EPS15: variants seen among roughly 807,000 people sequenced by gnomAD.
EPS15 encodes epidermal growth factor receptor pathway substrate 15, also known as epidermal growth factor receptor substrate 15.
Under a neutral mutation model 113.8 loss-of-function variants are expected in EPS15, and 72 were observed. The observed-to-expected ratio is 0.63, with a 90% CI of 0.52 to 0.77. The LOEUF is 0.77. EPS15 is among the 30% of genes least tolerant of loss of function. The pLI is 0.00. For synonymous variants in EPS15, 344 were observed against 363.4 expected, an observed-to-expected ratio of 0.95 and a Z score of 0.61; for missense variants, 1,048 against 1,045.8, an observed-to-expected ratio of 1.00 and a Z score of -0.03.
intron 21 of EPS15, among the ~76,000 whole-genome samples, chr1:51,379,258 TACAGGCGCAAG>T (rs1646878254): frequency 6.6e-6 from 1 of 152,210 alleles, no homozygotes; most frequent in East Asian, 1.9e-4. Context: ...TAGCTAGGAC[TACAGGCGCAAG>T]CCACCACGCC....
Position 51,361,223 on chromosome 1 carries a change from G to C in EPS15, c.2492C>G (p.Thr831Ser). The C allele has an allele frequency of 6.2e-7, 1 of 1,614,068 alleles. No homozygotes were observed. The highest frequency in any genetic ancestry group is 8.5e-7 in the Non-Finnish European group (1 of 1,179,934). ...ATCAGCCTCTTTATTGGTAGTGGTA[G>C]TAGCAGAAGTGAATGGATCACAAAA... Reference protein sequence around the residue: ...EIFCDPFTSATTTTNKEADPS... With the variant: ...EIFCDPFTSASTTTNKEADPS... The change falls in exon 24 of 25, where the codon ACT (threonine) becomes AGT (serine). Residue 831 changes from threonine to serine, a missense_variant. Thr to Ser is a moderately conservative substitution (Grantham distance 58, BLOSUM62 1). Transcript: ENST00000371733.
intron 8 of EPS15, among the ~76,000 whole-genome samples, chr1:51,453,410 A>G (rs1653733678): frequency 6.6e-6 from 1 of 152,216 alleles, no homozygotes; most frequent in African/African-American, 2.4e-5. Flanking sequence ...GCAAAAGTGA[A>G]CAGAATACTT....
At chr1:51,495,353 AT>A (rs928610749) in intron 1 of EPS15, among the ~76,000 whole-genome samples, 75 of 146,408 alleles carry the variant, frequency 5.1e-4, no homozygotes, top group Admixed American at 6.2e-4. Context: ...TTTTATTTTT[AT>A]TTTTTTTTTT....
At chr1:51,508,348 G>GAAAGA (rs1199100055) in intron 1 of EPS15, among the ~76,000 whole-genome samples, 3 of 140,598 alleles carry the variant, frequency 2.1e-5, no homozygotes, top group Non-Finnish European at 3.2e-5. Context: ...GAGAAAGAAA[G>GAAAGA]AAAGAAAGAA....
intron 24 of EPS15, among the ~76,000 whole-genome samples, chr1:51,357,420 A>ATATC (rs1646257756): frequency 2.9e-5 from 2 of 68,798 alleles, no homozygotes; most frequent in Non-Finnish European, 4.9e-5. Flanking sequence ...ATATATATAT[A>ATATC]TATATATTTT....
intron 18 of EPS15, among the ~76,000 whole-genome samples, chr1:51,402,201 G>C (rs1648632971): frequency 6.8e-6 from 1 of 146,522 alleles, no homozygotes; most frequent in Non-Finnish European, 1.5e-5. Flanking sequence ...CATAAAATTA[G>C]CTGGGTGTGG....
intron 5 of EPS15, 146 bp downstream of exon 5, chr1:51,468,327 A>G: frequency 3.0e-6 from 2 of 658,586 alleles, no homozygotes; most frequent in Non-Finnish European, 5.5e-6. Context: ...TAAAAACAGC[A>G]GGAGCCAGTA....
intron 21 of EPS15, among the ~76,000 whole-genome samples, chr1:51,382,684 G>A (rs1646969760): frequency 6.6e-6 from 1 of 152,134 alleles, no homozygotes; most frequent in African/African-American, 2.4e-5. Context: ...CTCCCAAAGT[G>A]CTGGGATTAC....
At chr1:51,400,217 G>A (rs778599515) in intron 19 of EPS15, among the ~76,000 whole-genome samples, 1 of 152,156 alleles carries the variant, frequency 6.6e-6, no homozygotes, top group Non-Finnish European at 1.5e-5. Flanking sequence ...TGATGTTTTA[G>A]TAATTCTTCA....
intron 16 of EPS15, among the ~76,000 whole-genome samples, 166 bp from the exon 17 acceptor site, chr1:51,403,698 A>G (rs146125875): frequency 6.6e-6 from 1 of 152,218 alleles, no homozygotes; most frequent in Non-Finnish European, 1.5e-5. Flanking sequence ...GGTGTCATCA[A>G]GCATCAAAGT....
chr1:51,369,407 T>C (rs890391292), intron 21 of EPS15, among the ~76,000 whole-genome samples: 2 of 152,168 alleles, frequency 1.3e-5, no homozygotes, highest in Non-Finnish European at 2.9e-5. Context: ...AGAGAAACCA[T>C]GCAGGTGACT....
At chr1:51,449,827 G>T (rs1207558357) in intron 8 of EPS15, among the ~76,000 whole-genome samples, 1 of 151,584 alleles carries the variant, frequency 6.6e-6, no homozygotes, top group East Asian at 1.9e-4. Context: ...ACGGGAAATT[G>T]TCCTCCTGTG....
intron 12 of EPS15, among the ~76,000 whole-genome samples, chr1:51,430,963 ATACATTACT>A (rs1308625308): frequency 6.9e-6 from 1 of 144,026 alleles, no homozygotes; most frequent in Non-Finnish European, 1.5e-5. Context: ...TATCTGAAAA[ATACATTACT>A]TACATACACA....
At chr1:51,365,200 A>C (rs1007154398) in intron 22 of EPS15, among the ~76,000 whole-genome samples, 1 of 152,216 alleles carries the variant, frequency 6.6e-6, no homozygotes, top group African/African-American at 2.4e-5. Context: ...ACTTTTCTAT[A>C]ATGAATCAGA....
chr1:51,420,369 C>G (rs1650638217), intron 13 of EPS15, among the ~76,000 whole-genome samples: 2 of 152,140 alleles, frequency 1.3e-5, no homozygotes, highest in Admixed American at 1.3e-4. Flanking sequence ...GAAAAACCAA[C>G]AGGTAGATAT....
At chr1:51,433,800 C>G (rs1330020079) in intron 12 of EPS15, among the ~76,000 whole-genome samples, 1 of 152,188 alleles carries the variant, frequency 6.6e-6, no homozygotes, top group East Asian at 1.9e-4. Context: ...CAGGATGTGG[C>G]TTTAACTTCC....
At chr1:51,497,327 G>T (rs1467216057) in intron 1 of EPS15, among the ~76,000 whole-genome samples, 1 of 152,050 alleles carries the variant, frequency 6.6e-6, no homozygotes, top group African/African-American at 2.4e-5. Context: ...ATAAAACAGG[G>T]TTATACTAAA....
chr1:51,491,072 G>A (rs1644224061), intron 1 of EPS15, among the ~76,000 whole-genome samples: 1 of 152,160 alleles, frequency 6.6e-6, no homozygotes, highest in South Asian at 2.1e-4. Flanking sequence ...TAAGAACACT[G>A]TGCGATGGCA....
chr1:51,400,814 C>T (rs570860285), intron 19 of EPS15, 104 bp downstream of exon 19: 1 of 559,450 alleles, frequency 1.8e-6, no homozygotes, highest in East Asian at 3.3e-5. Flanking sequence ...ATGCCAGGCA[C>T]ATAGAGCATC....
Sources: gnomAD v4.1 joint callset for allele counts (sites outside exome capture counted in the v4.1 genomes callset) on GRCh38, gnomAD v4.1.1 for gene constraint, MANE v1.5 for transcripts, NCBI Gene and HGNC (gene_info 2026-07-23, HGNC 2026-07-21) for gene names.